The following NBEA variants were observed in gnomAD, a reference collection of about 807,000 sequenced individuals.
NBEA encodes the protein neurobeachin.
A neutral mutation model predicts 343.4 loss-of-function variants in NBEA; 44 were observed. That is an observed-to-expected ratio of 0.13 (90% CI 0.10 to 0.16). The LOEUF is 0.16. NBEA is among the 10% of genes least tolerant of loss of function. The probability of loss-of-function intolerance (pLI) is 1.00; values close to 1 mark genes in which losing one functional copy is unlikely to be tolerated. For missense variants in NBEA, 2,555 were observed against 3,631.3 expected (o/e 0.70, Z 7.62); for synonymous variants, 1,175 against 1,238.7 (o/e 0.95, Z 1.08).
chr13:35,363,335 T>C (rs2040918091), intron 38 of NBEA, among the ~76,000 whole-genome samples: 1 of 151,910 alleles, frequency 6.6e-6, no homozygotes, highest in Non-Finnish European at 1.5e-5. Context: ...GCTACATTAG[T>C]TTCTATACTA....
At chr13:35,341,140 T>C (rs1365261748) in intron 36 of NBEA, among the ~76,000 whole-genome samples, 1 of 152,052 alleles carries the variant, frequency 6.6e-6, no homozygotes, top group Non-Finnish European at 1.5e-5. Flanking sequence ...TCAAAATGAC[T>C]GTCCTTACCA....
chr13:35,281,664 T>C (rs1013353932), intron 34 of NBEA, among the ~76,000 whole-genome samples: 5 of 152,134 alleles, frequency 3.3e-5, no homozygotes, highest in Non-Finnish European at 4.4e-5. Flanking sequence ...TTACATGATA[T>C]ATTATTTAAG....
intron 36 of NBEA, among the ~76,000 whole-genome samples, chr13:35,334,814 C>T (rs2039151159): frequency 6.6e-6 from 1 of 152,126 alleles, no homozygotes; most frequent in Non-Finnish European, 1.5e-5. Context: ...TATCTCTTCA[C>T]TTTGTTGACT....
At chr13:35,124,543 G>GATAT (rs200179614) in intron 17 of NBEA, among the ~76,000 whole-genome samples, 47 of 147,628 alleles carry the variant, frequency 3.2e-4, no homozygotes, top group African/African-American at 1.0e-3. Flanking sequence ...CACATATATG[G>GATAT]ATATATATAT....
intron 33 of NBEA, among the ~76,000 whole-genome samples, chr13:35,214,411 G>A (rs1315320598): frequency 6.6e-6 from 1 of 151,720 alleles, no homozygotes; most frequent in Non-Finnish European, 1.5e-5. Flanking sequence ...ACTTGGTATT[G>A]TCAGTCTTTT....
Position 35,015,865 on chromosome 13 carries a change from A to T in NBEA, c.295-25068A>T, listed in dbSNP as rs554068575. ...TTAACATTATGTATAACAGTGATTC[A>T]GGTGGGCAGATTTTATTTCACAAAG... On this transcript the variant is annotated intron_variant, in intron 1 of 58. Transcript: ENST00000379939. 5.9e-5 allele frequency among the ~76,000 whole-genome samples: 9 copies of T among 152,232 alleles called. No individual in the cohort carries two copies. The East Asian group carries it at 1.4e-3, about 23-fold the overall frequency.
At chr13:35,221,371 TTCCAATTGTC>T (rs1218009164) in intron 33 of NBEA, among the ~76,000 whole-genome samples, 1 of 151,598 alleles carries the variant, frequency 6.6e-6, no homozygotes, top group Non-Finnish European at 1.5e-5. Flanking sequence ...CTAAAAAAAC[TTCCAATTGTC>T]TATCTTATCC....
At chr13:35,230,304 T>C (rs2152768867) in intron 33 of NBEA, among the ~76,000 whole-genome samples, 1 of 152,212 alleles carries the variant, frequency 6.6e-6, no homozygotes, top group South Asian at 2.1e-4. Flanking sequence ...TTTGTAATTC[T>C]GAAGCCTCTA....
At chr13:35,056,777 C>A (rs1323424021) in intron 7 of NBEA, among the ~76,000 whole-genome samples, 1 of 152,078 alleles carries the variant, frequency 6.6e-6, no homozygotes, top group Non-Finnish European at 1.5e-5. Context: ...CAAACAAGGC[C>A]TGGGTTTTCG....
chr13:35,320,901 A>G (rs986169712), intron 36 of NBEA, among the ~76,000 whole-genome samples: 6 of 151,854 alleles, frequency 4.0e-5, no homozygotes, highest in African/African-American at 1.5e-4. Context: ...ATACTTGTGT[A>G]TGCTTCATGA....
At chr13:35,047,201 T>C (rs2062887108) in intron 4 of NBEA, among the ~76,000 whole-genome samples, 1 of 147,972 alleles carries the variant, frequency 6.8e-6, no homozygotes, top group African/African-American at 2.5e-5. Context: ...TCATTTGAAA[T>C]TGTGTGTGTG....
chr13:35,253,890 C>T (rs2032270598), intron 34 of NBEA, among the ~76,000 whole-genome samples: 1 of 151,790 alleles, frequency 6.6e-6, no homozygotes, highest in Non-Finnish European at 1.5e-5. Flanking sequence ...TTGTCATTGT[C>T]ATCTGATATC....
chr13:35,408,987 A>G (rs1040811885), intron 38 of NBEA, among the ~76,000 whole-genome samples: 2 of 152,158 alleles, frequency 1.3e-5, no homozygotes, highest in Non-Finnish European at 2.9e-5. Context: ...CAGCAATCCC[A>G]TTACTGGGTA....
At chr13:35,365,148 A>G (rs2041027306) in intron 38 of NBEA, among the ~76,000 whole-genome samples, 1 of 151,782 alleles carries the variant, frequency 6.6e-6, no homozygotes, top group Non-Finnish European at 1.5e-5. Context: ...TTTTTCTAAA[A>G]TATGTAGATT....
Position 35,433,638 on chromosome 13 carries a change from C to A in NBEA, c.6304+1245C>A, listed in dbSNP as rs924981619. Among the ~76,000 whole-genome samples, 7 of 151,742 alleles carry A rather than the reference C, an allele frequency of 4.6e-5. No individual in the cohort carries two copies. The East Asian group carries it at 1.4e-3, about 29-fold the overall frequency. ...AAGGATTTCATATGAAACTGTTATA[C>A]CTAAGATAAAAGTTATACAGTAACT... On this transcript the variant is annotated intron_variant, in intron 39 of 58. Transcript: ENST00000379939.
At chr13:35,422,885 T>C (rs1489826834) in intron 38 of NBEA, among the ~76,000 whole-genome samples, 1 of 152,248 alleles carries the variant, frequency 6.6e-6, no homozygotes, top group Non-Finnish European at 1.5e-5. Flanking sequence ...GATTTGCATT[T>C]CTCTGATGGC....
intron 36 of NBEA, among the ~76,000 whole-genome samples, chr13:35,314,062 A>G (rs1376870823): frequency 6.6e-6 from 1 of 152,094 alleles, no homozygotes; most frequent in Non-Finnish European, 1.5e-5. Flanking sequence ...AGATAGAAGG[A>G]TTGGCCTTTA....
chr13:35,141,802 C>T (rs551032852), intron 17 of NBEA, among the ~76,000 whole-genome samples: 1 of 152,238 alleles, frequency 6.6e-6, no homozygotes, highest in Non-Finnish European at 1.5e-5. Flanking sequence ...TGTTTTATGA[C>T]ACCAAAATTA....
In NBEA at chr13:35,043,016, T is replaced by A. The variant is rs949623361; in HGVS notation, c.526+1852T>A. Among the ~76,000 whole-genome samples, 13 of 151,974 alleles carry A rather than the reference T, an allele frequency of 8.6e-5. 1 individual carries two copies. In the East Asian group the frequency reaches 2.5e-3, roughly 29 times the overall value. ...TTTCTTGGTCTTAGTATTTTTTCTT[T>A]TAAAAAAAATCATTTCTAATTACTT... On this transcript the variant is annotated intron_variant, in intron 2 of 58. Transcript: ENST00000379939.
Sources: allele counts gnomAD v4.1 joint callset (sites outside exome capture counted in the v4.1 genomes callset), GRCh38; gene constraint gnomAD v4.1.1; transcripts MANE v1.5; gene names NCBI Gene and HGNC (gene_info 2026-07-23, HGNC 2026-07-21).